The following UGT1A8 variants were observed in gnomAD, a reference collection of about 807,000 sequenced individuals.
UGT1A8 encodes UDP-glucuronosyltransferase 1A8.
In UGT1A8, 39 loss-of-function variants were observed where a neutral mutation model predicts 45.3. The ratio of observed to expected loss-of-function variants is 0.86; its 90% confidence interval spans 0.67 to 1.12. The LOEUF is 1.12. Among genes scored for constraint, UGT1A8 ranks in the 50% most tolerant of loss-of-function variants. The pLI, the probability that UGT1A8 is intolerant of heterozygous loss-of-function variation, is 0.00. For synonymous variants in UGT1A8, 275 were observed against 249.2 expected, an observed-to-expected ratio of 1.10 and a Z score of -0.97; for missense variants, 719 against 664.9, an observed-to-expected ratio of 1.08 and a Z score of -0.90.
At chr2:233,717,878 G>T (rs2076613301) in intron 1 of UGT1A8, 1 of 454,744 alleles carries the variant, frequency 2.2e-6, no homozygotes, top group African/African-American at 2.0e-5. Context: ...TTGGAGAAAA[G>T]CCTGGCCATA....
At chr2:233,626,256 C>T (rs540879719) in intron 1 of UGT1A8, among the ~76,000 whole-genome samples, 1 of 152,086 alleles carries the variant, frequency 6.6e-6, no homozygotes, top group African/African-American at 2.4e-5. Context: ...AAGTCAATAG[C>T]AGTCTTAAAT....
intron 1 of UGT1A8, chr2:233,636,566 G>A (rs2073295687): frequency 2.5e-6 from 4 of 1,614,144 alleles, no homozygotes; most frequent in Non-Finnish European, 3.4e-6. Flanking sequence ...TTATGTGTGT[G>A]TCTACTGCTG....
At chr2:233,743,706 C>A in intron 1 of UGT1A8, 1 of 1,367,368 alleles carries the variant, frequency 7.3e-7, no homozygotes, top group Non-Finnish European at 9.8e-7. Context: ...TCCGCCCCCG[C>A]CTCGCCATAG....
At chr2:233,704,169 G>A (rs1358460644) in intron 1 of UGT1A8, among the ~76,000 whole-genome samples, 1 of 151,694 alleles carries the variant, frequency 6.6e-6, no homozygotes, top group Non-Finnish European at 1.5e-5. Context: ...GGGATTACAG[G>A]TGTGAGCCAC....
At chr2:233,628,292 A>G (rs560628171) in intron 1 of UGT1A8, among the ~76,000 whole-genome samples, 3 of 151,848 alleles carry the variant, frequency 2.0e-5, no homozygotes, top group African/African-American at 7.2e-5. Context: ...AAATTTTTAG[A>G]TATTTCTAGT....
intron 1 of UGT1A8, among the ~76,000 whole-genome samples, chr2:233,661,639 C>A (rs563475872): frequency 7.5e-6 from 1 of 132,820 alleles, no homozygotes; most frequent in African/African-American, 2.7e-5. Flanking sequence ...TTCTTTCTTT[C>A]TTTCTTTCTT....
Position 233,636,706 on chromosome 2 carries a change from G to A in UGT1A8, c.855+18144G>A, listed in dbSNP as rs770658615. On this transcript the variant is annotated intron_variant, in intron 1 of 4. Transcript: ENST00000373450. ...TGAGGTGGTTGTAGTCATGCCAGAG[G>A]TGAGTTGGCAACTGGAAAGATCACT... 5.0e-6 allele frequency: 8 copies of A among 1,614,172 alleles called. No homozygotes were observed. The South Asian group carries it at 5.5e-5, about 11-fold the overall frequency.
intron 1 of UGT1A8, chr2:233,754,778 A>G (rs1399549713): frequency 3.5e-6 from 4 of 1,127,052 alleles, no homozygotes; most frequent in Non-Finnish European, 3.6e-6. Flanking sequence ...CCAGGGAGCC[A>G]AAGGAACGAA....
At chr2:233,632,360 T>C (rs896069159) in intron 1 of UGT1A8, among the ~76,000 whole-genome samples, 1 of 152,100 alleles carries the variant, frequency 6.6e-6, no homozygotes, top group African/African-American at 2.4e-5. Flanking sequence ...AGTTTTTTCC[T>C]ATTCTGTGAA....
At chr2:233,672,297 T>C in intron 1 of UGT1A8, 2 of 1,613,948 alleles carry the variant, frequency 1.2e-6, no homozygotes, top group Non-Finnish European at 1.7e-6. Flanking sequence ...ACTTATTTTT[T>C]TCAAATTGCA....
chr2:233,691,772 C>T (rs2075056537), intron 1 of UGT1A8: 2 of 348,666 alleles, frequency 5.7e-6, no homozygotes, highest in Non-Finnish European at 8.1e-6. Context: ...CTAGGATTCT[C>T]ACCACGTACT....
chr2:233,690,725 T>C (rs2075005021), intron 1 of UGT1A8: 4 of 1,213,038 alleles, frequency 3.3e-6, no homozygotes, highest in Non-Finnish European at 4.2e-6. Context: ...CGAACAGACA[T>C]GCCAGATTCC....
chr2:233,757,130 G>T (rs368401609), intron 1 of UGT1A8, among the ~76,000 whole-genome samples: 1 of 151,410 alleles, frequency 6.6e-6, no homozygotes, highest in Non-Finnish European at 1.5e-5. Context: ...GAGGAGGAAT[G>T]AGCTTGGACA....
At chr2:233,681,894 G>A in intron 1 of UGT1A8, 1 of 1,587,714 alleles carries the variant, frequency 6.3e-7, no homozygotes. Flanking sequence ...CTATATTATA[G>A]GAGCTTAGAA....
chr2:233,629,117 C>T (rs1163676278), intron 1 of UGT1A8, among the ~76,000 whole-genome samples: 1 of 152,030 alleles, frequency 6.6e-6, no homozygotes, highest in Non-Finnish European at 1.5e-5. Flanking sequence ...AAGAATACTC[C>T]ATTCCCCCCT....
chr2:233,743,846 C>A (rs779214397), intron 1 of UGT1A8: 9 of 1,367,112 alleles, frequency 6.6e-6, no homozygotes, highest in Non-Finnish European at 8.8e-6. Flanking sequence ...CGCCAGCTTG[C>A]GGTACGCCTT....
rs1054717922 is a variant in UGT1A8, at chr2:233,744,074, G to A, written c.856-22960G>A. On this transcript the variant is annotated intron_variant, in intron 1 of 4. Coordinates refer to ENST00000373450, the MANE Select transcript of UGT1A8 (RefSeq NM_019076.5). ...ATTGGTCGAGGCCTATGAGCGCCTC[G>A]CATCCCAAGATGCAGTGCTTCTGGG... The A allele has an allele frequency of 7.4e-5, 35 of 470,704 alleles. No homozygotes were observed. In the Middle Eastern group the frequency reaches 2.5e-3, roughly 34 times the overall value. 29.2% of individuals were successfully genotyped at this position (470,704 alleles called of 1,614,324 possible). A position where few individuals can be genotyped will look rare whatever the true frequency, so the allele number is the denominator to read the frequency against.
intron 1 of UGT1A8, chr2:233,717,870 G>A (rs909947409): frequency 5.9e-5 from 27 of 454,752 alleles, no homozygotes; most frequent in African/African-American, 4.4e-4. Flanking sequence ...GGATTGACTT[G>A]GAGAAAAGCC....
chr2:233,677,079 A>G (rs1311557264), intron 1 of UGT1A8, among the ~76,000 whole-genome samples: 1 of 152,200 alleles, frequency 6.6e-6, no homozygotes, highest in Non-Finnish European at 1.5e-5. Flanking sequence ...TAATGTGTGC[A>G]AAAATCCTGC....
Sources: allele counts gnomAD v4.1 joint callset (sites outside exome capture counted in the v4.1 genomes callset), GRCh38; gene constraint gnomAD v4.1.1; transcripts MANE v1.5; gene names NCBI Gene and HGNC (gene_info 2026-07-23, HGNC 2026-07-21).